KIAA1671: variants seen among roughly 807,000 people sequenced by gnomAD.
KIAA1671 encodes uncharacterized protein KIAA1671.
Under a neutral mutation model 131.2 loss-of-function variants are expected in KIAA1671, and 52 were observed. The observed-to-expected ratio is 0.40, with a 90% confidence interval of 0.32 to 0.50. KIAA1671 has a LOEUF of 0.50. KIAA1671 is among the 20% of genes least tolerant of loss of function. The probability of loss-of-function intolerance (pLI) is 0.73; values close to 1 mark genes in which losing one functional copy is unlikely to be tolerated. For missense variants in KIAA1671, 2,360 were observed against 2,364.2 expected, an observed-to-expected ratio of 1.00 and a Z score of 0.04; for synonymous variants, 1,003 against 961.6, an observed-to-expected ratio of 1.04 and a Z score of -0.80.
At chr22:25,147,898 A>T (rs1475132483) in intron 6 of KIAA1671, among the ~76,000 whole-genome samples, 1 of 152,128 alleles carries the variant, frequency 6.6e-6, no homozygotes, top group African/African-American at 2.4e-5. Context: ...GTAGATGAAG[A>T]CATTGACACT....
In KIAA1671 at chr22:25,028,222, C is replaced by T; in HGVS notation, c.223C>T (p.Gln75Ter). The change falls in exon 3 of 13, where the codon CAG (glutamine) becomes TAG (stop). Residue 75 changes from glutamine (Q) to a stop codon, truncating the protein, a stop_gained. Coordinates refer to ENST00000358431, the MANE Select transcript of KIAA1671 (RefSeq NM_001145206.2). LOFTEE classifies it high-confidence loss of function. ...RLAPKPFSKE[Q>*]DVKSPVPSLR... Reference sequence around the variant, plus strand: ...CGCCCCCAAACCCTTCTCGAAGGAGCAGGACGTGAAATCTCCTGTCCCGTC... The same window carrying T: ...CGCCCCCAAACCCTTCTCGAAGGAGTAGGACGTGAAATCTCCTGTCCCGTC... 4 of 1,551,534 alleles carry T rather than the reference C, an allele frequency of 2.6e-6. No homozygotes were observed. Among genetic ancestry groups the T allele is most frequent in the Non-Finnish European group, 3.5e-6 (4 of 1,146,930 alleles).
At chr22:25,135,876 G>A (rs1036771279) in intron 6 of KIAA1671, among the ~76,000 whole-genome samples, 4 of 152,230 alleles carry the variant, frequency 2.6e-5, no homozygotes, top group African/African-American at 9.6e-5. Flanking sequence ...ATGTGCCCAG[G>A]GCACTGTGCT....
chr22:25,111,709 G>T (rs1931358336), intron 6 of KIAA1671: 1 of 152,716 alleles, frequency 6.5e-6, no homozygotes, highest in Non-Finnish European at 1.5e-5. Flanking sequence ...ACCTCAGGGG[G>T]GCTGCCTACC....
intron 1 of KIAA1671, among the ~76,000 whole-genome samples, chr22:24,987,917 C>A (rs942324764): frequency 2.0e-5 from 3 of 152,208 alleles, no homozygotes. Context: ...TCTGCCTTCT[C>A]TCCACACATC....
intron 6 of KIAA1671, among the ~76,000 whole-genome samples, chr22:25,151,055 C>T (rs1302087283): frequency 1.3e-5 from 2 of 151,834 alleles, no homozygotes; most frequent in East Asian, 3.9e-4. Context: ...AGGATGGTCT[C>T]TATCTTCTGA....
chr22:25,061,355 C>T (rs1928150735), intron 6 of KIAA1671: 1 of 152,224 alleles, frequency 6.6e-6, no homozygotes, highest in Non-Finnish European at 1.5e-5. Context: ...CTGGGTTGCA[C>T]CCTATCCTGT....
At chr22:25,148,148 G>A (rs139250678) in intron 6 of KIAA1671, among the ~76,000 whole-genome samples, 275 of 151,708 alleles carry the variant, frequency 1.8e-3, no homozygotes, top group African/African-American at 6.4e-3. Context: ...GTGTGGTCCC[G>A]GCACTCCCTC....
chr22:25,117,585 CCACACACACACA>C (rs4049524), intron 6 of KIAA1671, among the ~76,000 whole-genome samples: 111 of 123,894 alleles, frequency 9.0e-4, no homozygotes, highest in Admixed American at 1.5e-3. Flanking sequence ...TCTCCCCCAA[CCACACACACACA>C]CACACACACA....
At chr22:24,994,652 C>G (rs1924017027) in intron 1 of KIAA1671, among the ~76,000 whole-genome samples, 1 of 152,124 alleles carries the variant, frequency 6.6e-6, no homozygotes, top group Non-Finnish European at 1.5e-5. Flanking sequence ...TCAGGTGAAC[C>G]AGCGCATGAG....
intron 1 of KIAA1671, among the ~76,000 whole-genome samples, chr22:24,967,954 C>T (rs1458999656): frequency 6.6e-6 from 1 of 152,122 alleles, no homozygotes; most frequent in Non-Finnish European, 1.5e-5. Context: ...GATCATGCCA[C>T]TGCACTCCAG....
chr22:25,103,142 C>G (rs1447226852), intron 6 of KIAA1671, among the ~76,000 whole-genome samples: 1 of 151,710 alleles, frequency 6.6e-6, no homozygotes. Flanking sequence ...TGGGATCAGA[C>G]AGGTCTGGGT....
chr22:24,998,931 G>A (rs1924287992), intron 1 of KIAA1671, among the ~76,000 whole-genome samples: 1 of 151,842 alleles, frequency 6.6e-6, no homozygotes, highest in East Asian at 1.9e-4. Flanking sequence ...CATTTGAGTG[G>A]TTTCCAGGTT....
intron 6 of KIAA1671, among the ~76,000 whole-genome samples, chr22:25,161,041 T>C (rs1201674874): frequency 1.3e-5 from 2 of 152,180 alleles, no homozygotes; most frequent in Non-Finnish European, 2.9e-5. Context: ...CCTTCTAGTC[T>C]GACCCCCTTC....
chr22:25,132,326 G>A (rs193274676), intron 6 of KIAA1671, among the ~76,000 whole-genome samples: 2 of 152,262 alleles, frequency 1.3e-5, no homozygotes, highest in Admixed American at 1.3e-4. Flanking sequence ...CAGTCCAGGC[G>A]GTTGGAGTTT....
chr22:25,099,862 G>A (rs978495611), intron 6 of KIAA1671, among the ~76,000 whole-genome samples: 1 of 152,098 alleles, frequency 6.6e-6, no homozygotes, highest in South Asian at 2.1e-4. Context: ...ATTCCAATGG[G>A]GCAGTCCCCA....
intron 9 of KIAA1671, among the ~76,000 whole-genome samples, chr22:25,178,894 G>T (rs1170351138): frequency 6.6e-6 from 1 of 152,188 alleles, no homozygotes; most frequent in Admixed American, 6.5e-5. Flanking sequence ...TGGAAAGACA[G>T]CAGGTACTGT....
At chr22:24,967,873 G>C (rs534828485) in intron 1 of KIAA1671, among the ~76,000 whole-genome samples, 1 of 152,086 alleles carries the variant, frequency 6.6e-6, no homozygotes, top group Non-Finnish European at 1.5e-5. Context: ...GGTGCCTGTA[G>C]TCCCAGCTAC....
chr22:25,161,606 C>G lies in KIAA1671; in HGVS notation c.4531-9214C>G, dbSNP rs185606091. Among the ~76,000 whole-genome samples the G allele has an allele frequency of 2.6e-5, 4 of 152,350 alleles. No individual in the cohort carries two copies. The East Asian group carries it at 7.7e-4, about 29-fold the overall frequency. On this transcript the variant is annotated intron_variant, in intron 6 of 12. Coordinates refer to ENST00000358431, the MANE Select transcript of KIAA1671 (RefSeq NM_001145206.2). The stretch of plus-strand genomic sequence containing the variant: ...CCAGTGAGGACCCCGGCTTTATCTT[C>G]AGAGTGCTGGAAGGGAGCTGCTGGA...
At chr22:25,096,708 C>T (rs1056623014) in intron 6 of KIAA1671, among the ~76,000 whole-genome samples, 5 of 152,190 alleles carry the variant, frequency 3.3e-5, no homozygotes, top group Admixed American at 3.3e-4. Flanking sequence ...GGAACCGTCA[C>T]GGCAGTGAAA....
Sources: allele counts gnomAD v4.1 joint callset (sites outside exome capture counted in the v4.1 genomes callset), GRCh38; gene constraint gnomAD v4.1.1; transcripts MANE v1.5; gene names NCBI Gene and HGNC (gene_info 2026-07-23, HGNC 2026-07-21).